The following PHACTR3 variants were observed in gnomAD, a reference collection of about 807,000 sequenced individuals.
PHACTR3 encodes the protein phosphatase and actin regulator 3, also known as protein phosphatase 1, regulatory subunit 123.
In PHACTR3, 16 loss-of-function variants were observed where a neutral mutation model predicts 66.8. That is an observed-to-expected ratio of 0.24 (90% CI 0.16 to 0.36). The LOEUF (loss-of-function observed/expected upper bound fraction) is 0.36. PHACTR3 is among the 10% of genes least tolerant of loss of function. The pLI is 1.00. For missense variants in PHACTR3, 647 were observed against 719.9 expected, an observed-to-expected ratio of 0.90 and a Z score of 1.16; for synonymous variants, 323 against 292.1, an observed-to-expected ratio of 1.11 and a Z score of -1.08.
chr20:59,811,814 C>T (rs992871390), intron 8 of PHACTR3, among the ~76,000 whole-genome samples: 19 of 152,170 alleles, frequency 1.2e-4, no homozygotes, highest in Admixed American at 7.2e-4. Flanking sequence ...GTCTCAGCTG[C>T]GTGAGATAGG....
intron 1 of PHACTR3, among the ~76,000 whole-genome samples, chr20:59,607,417 A>C (rs1447643139): frequency 6.6e-6 from 1 of 152,186 alleles, no homozygotes; most frequent in Non-Finnish European, 1.5e-5. Flanking sequence ...ATTGAACCTG[A>C]AGCTCCAGCT....
chr20:59,839,855 G>A (rs1005149273), intron 9 of PHACTR3, among the ~76,000 whole-genome samples: 1 of 152,204 alleles, frequency 6.6e-6, no homozygotes, highest in African/African-American at 2.4e-5. Context: ...TTCCAGGCAA[G>A]CATATGCTGC....
chr20:59,800,972 G>A (rs765225725), intron 7 of PHACTR3, among the ~76,000 whole-genome samples: 1 of 152,216 alleles, frequency 6.6e-6, no homozygotes, highest in Admixed American at 6.5e-5. Context: ...TCTGGCTGAT[G>A]GGAACCGGCC....
chr20:59,672,960 G>C (rs1262632389), intron 1 of PHACTR3, among the ~76,000 whole-genome samples: 1 of 152,186 alleles, frequency 6.6e-6, no homozygotes, highest in Non-Finnish European at 1.5e-5. Flanking sequence ...AAGAGGGAAG[G>C]AATTGGAGAG....
At chr20:59,611,495 G>A (rs1205570707) in intron 1 of PHACTR3, among the ~76,000 whole-genome samples, 1 of 152,242 alleles carries the variant, frequency 6.6e-6, no homozygotes, top group Non-Finnish European at 1.5e-5. Context: ...TAGGGGCCAG[G>A]CAGGAGTCAT....
intron 1 of PHACTR3, among the ~76,000 whole-genome samples, chr20:59,742,008 G>T (rs1323584571): frequency 1.3e-5 from 2 of 152,206 alleles, no homozygotes; most frequent in African/African-American, 2.4e-5. Flanking sequence ...TGATCTGCCT[G>T]CCTGGGCCTC....
rs975126322 is a variant in PHACTR3, at chr20:59,681,844, C to T, written c.119-61263C>T. Among the ~76,000 whole-genome samples, 5 of 151,982 alleles carry T rather than the reference C, an allele frequency of 3.3e-5. 1 individual carries two copies. The East Asian group carries it at 9.7e-4, about 29-fold the overall frequency. On this transcript the variant is annotated intron_variant, in intron 1 of 12. Coordinates refer to ENST00000371015, the MANE Select transcript of PHACTR3 (RefSeq NM_080672.5). The stretch of plus-strand genomic sequence containing the variant: ...TGACCAACATGGTGAAACCCTGTCT[C>T]TACTAAAAACACAAAATTAGCTGGG...
At chr20:59,641,326 A>C (rs2035096420) in intron 1 of PHACTR3, among the ~76,000 whole-genome samples, 1 of 152,036 alleles carries the variant, frequency 6.6e-6, no homozygotes, top group Non-Finnish European at 1.5e-5. Context: ...GAATTGGCCT[A>C]TGTGTTGTGG....
intron 1 of PHACTR3, among the ~76,000 whole-genome samples, chr20:59,698,648 A>T (rs149290707): frequency 4.6e-5 from 7 of 152,270 alleles, no homozygotes; most frequent in African/African-American, 1.7e-4. Flanking sequence ...AGAGAAGGGG[A>T]AAAGTTTGGA....
At chr20:59,635,156 T>C (rs2034828771) in intron 1 of PHACTR3, among the ~76,000 whole-genome samples, 1 of 67,170 alleles carries the variant, frequency 1.5e-5, no homozygotes. Flanking sequence ...TCTTTTTCTT[T>C]CTTTCTTTCT....
At chr20:59,622,108 T>G (rs918061345) in intron 1 of PHACTR3, among the ~76,000 whole-genome samples, 1 of 144,110 alleles carries the variant, frequency 6.9e-6, no homozygotes, top group Non-Finnish European at 1.6e-5. Flanking sequence ...AAGTATGTGT[T>G]TGTGTGTGCA....
At chr20:59,637,878 C>T (rs2034952052) in intron 1 of PHACTR3, among the ~76,000 whole-genome samples, 1 of 152,180 alleles carries the variant, frequency 6.6e-6, no homozygotes, top group African/African-American at 2.4e-5. Context: ...CTGCTTTTAT[C>T]TGCCAAGCAC....
chr20:59,631,782 A>C lies in PHACTR3; in HGVS notation c.118+26650A>C, dbSNP rs78419234. On this transcript the variant is annotated intron_variant, in intron 1 of 12. Transcript: ENST00000371015. ...CAAAACACCTCACTGCATTGTCCTC[A>C]TTTTTCAAAGGACTTGGGAAACATC... 4.0e-3 allele frequency among the ~76,000 whole-genome samples: 605 copies of C among 152,200 alleles called. 5 individuals are homozygous for C. The highest frequency in any genetic ancestry group is 0.014 in the African/African-American group (563 of 41,532).
chr20:59,785,229 G>A (rs1450610813), intron 7 of PHACTR3, among the ~76,000 whole-genome samples: 1 of 152,174 alleles, frequency 6.6e-6, no homozygotes, highest in Non-Finnish European at 1.5e-5. Flanking sequence ...CTCTCTCTGT[G>A]TCTTTATAGG....
intron 8 of PHACTR3, among the ~76,000 whole-genome samples, chr20:59,810,145 A>G (rs1600696459): frequency 1.3e-5 from 2 of 152,226 alleles, no homozygotes; most frequent in South Asian, 4.1e-4. Flanking sequence ...AACAACAAAA[A>G]TTATGGTGGG....
chr20:59,819,891 C>G (rs2041987720), intron 8 of PHACTR3, among the ~76,000 whole-genome samples: 1 of 152,258 alleles, frequency 6.6e-6, no homozygotes, highest in African/African-American at 2.4e-5. Flanking sequence ...CTGAGGCATG[C>G]AGGGCTCTGC....
intron 8 of PHACTR3, among the ~76,000 whole-genome samples, chr20:59,819,448 A>T (rs1258286837): frequency 6.6e-6 from 1 of 150,932 alleles, no homozygotes; most frequent in Non-Finnish European, 1.5e-5. Context: ...GGGAGAGAGG[A>T]TGGCTTGAGC....
intron 7 of PHACTR3, among the ~76,000 whole-genome samples, chr20:59,792,205 T>A (rs986890678): frequency 2.0e-5 from 3 of 152,210 alleles, no homozygotes; most frequent in Non-Finnish European, 4.4e-5. Context: ...CTTGGAAGCA[T>A]CAACCAGGTC....
chr20:59,579,329 C>A (rs1362897837), intron 1 of PHACTR3, among the ~76,000 whole-genome samples: 1 of 152,174 alleles, frequency 6.6e-6, no homozygotes, highest in African/African-American at 2.4e-5. Flanking sequence ...CACTGCTGAC[C>A]CACTTTCCCC....
Sources: allele counts gnomAD v4.1 joint callset (sites outside exome capture counted in the v4.1 genomes callset), GRCh38; gene constraint gnomAD v4.1.1; transcripts MANE v1.5; gene names NCBI Gene and HGNC (gene_info 2026-07-23, HGNC 2026-07-21).